Variants in DRC1 observed in about 807,000 individuals in gnomAD.
DRC1 encodes the protein dynein regulatory complex subunit 1, also known as dynein regulatory complex protein 1.
DRC1 carries 74 observed loss-of-function variants against 98.7 expected under a neutral mutation model. The ratio of observed to expected loss-of-function variants is 0.75; its 90% confidence interval spans 0.62 to 0.91. DRC1 has a LOEUF of 0.91. Among genes scored for constraint, DRC1 ranks in the 40% least tolerant of loss-of-function variants. The pLI is 0.00. For synonymous variants in DRC1, 336 were observed against 334.1 expected, an observed-to-expected ratio of 1.01 and a Z score of -0.06; for missense variants, 875 against 886.0, an observed-to-expected ratio of 0.99 and a Z score of 0.16.
At chr2:26,434,760 G>A (rs1362642753) in intron 7 of DRC1, among the ~76,000 whole-genome samples, 5 of 152,020 alleles carry the variant, frequency 3.3e-5, no homozygotes, top group African/African-American at 4.8e-5. Context: ...GTGTGGTGGC[G>A]GGCGCCTGTA....
chr2:26,402,020 G>C lies in DRC1; in HGVS notation c.31G>C (p.Asp11His). 1 of 1,611,442 alleles carries C rather than the reference G, an allele frequency of 6.2e-7. No homozygotes were observed. The highest frequency in any genetic ancestry group is 1.3e-5 in the African/African-American group (1 of 75,012). ...TCCGCCGGGGTCCCTAGAGGCCCTG[G>C]ACCCGAACGTGGACGAGCACTTGTC... MNPPGSLEAL[D>H]PNVDEHLSTQ... The change falls in exon 1 of 17, where the codon GAC (aspartate) becomes CAC (histidine). Residue 11 changes from aspartate to histidine, a missense_variant. Transcript: ENST00000288710.
At chr2:26,421,114 T>C in intron 2 of DRC1, 174 bp from the exon 3 acceptor site, 1 of 498,582 alleles carries the variant, frequency 2.0e-6, no homozygotes, top group Non-Finnish European at 3.6e-6. Flanking sequence ...ACATCACAAA[T>C]GTCCTGATAG....
intron 1 of DRC1, among the ~76,000 whole-genome samples, chr2:26,404,486 G>C (rs1252163562): frequency 1.3e-5 from 2 of 152,226 alleles, no homozygotes; most frequent in African/African-American, 4.8e-5. Flanking sequence ...GTGTTCAGGA[G>C]TGCTACCTGT....
At chr2:26,412,972 CG>C (rs1325652973) in intron 1 of DRC1, among the ~76,000 whole-genome samples, 6 of 152,100 alleles carry the variant, frequency 3.9e-5, no homozygotes. Flanking sequence ...TTAGTAGAGA[CG>C]GGGTTTCACC....
At chr2:26,435,765 A>T (rs1266621045) in intron 7 of DRC1, among the ~76,000 whole-genome samples, 2 of 149,194 alleles carry the variant, frequency 1.3e-5, no homozygotes, top group Middle Eastern at 3.4e-3. Flanking sequence ...TTTTTTTTTT[A>T]AACTTTATGT....
chr2:26,410,312 C>T (rs1678564812), intron 1 of DRC1, among the ~76,000 whole-genome samples: 1 of 150,058 alleles, frequency 6.7e-6, no homozygotes, highest in South Asian at 2.1e-4. Context: ...ACTCTTGTTG[C>T]CCAGGCTGGA....
rs1204779682 is a variant in DRC1 at position 26,454,267 on chromosome 2, A to G, written c.1920-380A>G. On this transcript the variant is annotated intron_variant, in intron 14 of 16. Coordinates refer to ENST00000288710, the MANE Select transcript of DRC1 (RefSeq NM_145038.5). The surrounding 1 kb of genome is among the most constrained non-coding windows in gnomAD (Gnocchi z 5.2). ...AGGGAAAGCATCAGGAGGCTTGTCC[A>G]GGTGGGAGGTGAGGATCCCCCAGAT... Among the ~76,000 whole-genome samples the G allele has an allele frequency of 6.6e-6, 1 of 152,162 alleles. No homozygotes were observed. Among genetic ancestry groups the G allele is most frequent in the Admixed American group, 6.5e-5 (1 of 15,286 alleles).
At chr2:26,424,808 C>T (rs557892813) in intron 4 of DRC1, among the ~76,000 whole-genome samples, 3 of 152,072 alleles carry the variant, frequency 2.0e-5, no homozygotes, top group Admixed American at 6.5e-5. Flanking sequence ...AAAAATTAGC[C>T]GGGCATGGTG....
At chr2:26,444,601 G>A (rs1257677795) in intron 9 of DRC1, 115 bp from the exon 10 acceptor site, 5 of 1,127,172 alleles carry the variant, frequency 4.4e-6, no homozygotes, top group Admixed American at 5.0e-5. Flanking sequence ...CAGGGATGGG[G>A]CCAGGCCCAG....
At chr2:26,427,710 C>A (rs1361735752) in intron 4 of DRC1, among the ~76,000 whole-genome samples, 1 of 151,952 alleles carries the variant, frequency 6.6e-6, no homozygotes, top group East Asian at 1.9e-4. Flanking sequence ...ATCCCCATTC[C>A]TCCCTGACCC....
At chr2:26,434,408 G>A (rs1663517669) in intron 7 of DRC1, among the ~76,000 whole-genome samples, 1 of 152,104 alleles carries the variant, frequency 6.6e-6, no homozygotes, top group Admixed American at 6.5e-5. Context: ...TTTATCTGTA[G>A]GCCTTATACA....
chr2:26,419,815 C>T (rs1663078946), intron 2 of DRC1, among the ~76,000 whole-genome samples: 1 of 152,134 alleles, frequency 6.6e-6, no homozygotes, highest in Non-Finnish European at 1.5e-5. Context: ...CACAACAAGG[C>T]TAGGAGTGAA....
chr2:26,406,536 CCT>C (rs541848005), intron 1 of DRC1, among the ~76,000 whole-genome samples: 182 of 152,112 alleles, frequency 1.2e-3, no homozygotes, highest in African/African-American at 4.1e-3. Context: ...TAGTGAAACC[CCT>C]GTCTCTACTA....
At chr2:26,436,739 A>G (rs559827631) in intron 7 of DRC1, among the ~76,000 whole-genome samples, 1 of 152,268 alleles carries the variant, frequency 6.6e-6, no homozygotes, top group Admixed American at 6.5e-5. Context: ...AAACAATCCT[A>G]TGGCCAAATA....
At chr2:26,415,796 G>T (rs1239755487) in intron 2 of DRC1, among the ~76,000 whole-genome samples, 2 of 152,106 alleles carry the variant, frequency 1.3e-5, no homozygotes, top group Non-Finnish European at 2.9e-5. Context: ...GCTGGGCCTG[G>T]TGGCACACGC....
chr2:26,455,372 G>A lies in DRC1; in HGVS notation c.2166+139G>A, dbSNP rs533862676. 95 of 776,526 alleles carry A rather than the reference G, an allele frequency of 1.2e-4. No homozygotes were observed. In the African/African-American group the frequency reaches 1.6e-3, roughly 13 times the overall value. The allele number at this position is 776,526 out of a possible 1,614,324, so 48.1% of individuals were successfully genotyped here. The stretch of plus-strand genomic sequence containing the variant: ...TGTGATATGATGTAAAAAATCAAGA[G>A]TGGCACCTTGAGACAACTACTGGCC... On this transcript the variant is annotated intron_variant, in intron 16 of 16. Coordinates refer to ENST00000288710, the MANE Select transcript of DRC1 (RefSeq NM_145038.5).
intron 7 of DRC1, among the ~76,000 whole-genome samples, chr2:26,434,348 A>G (rs1353027516): frequency 6.6e-6 from 1 of 152,200 alleles, no homozygotes; most frequent in Non-Finnish European, 1.5e-5. Context: ...CCACCACCCT[A>G]AAAGAAAACT....
rs1558457774 is a variant in DRC1, at chr2:26,454,801, A to G, written c.2063+11A>G. On this transcript the variant is annotated intron_variant, in intron 15 of 16. Coordinates refer to ENST00000288710, the MANE Select transcript of DRC1 (RefSeq NM_145038.5). This position sits in a 1 kb window ranked among gnomAD's most constrained non-coding sequence, Gnocchi z 5.2. Reference sequence around the variant, plus strand: ...CTTGGAGAAGTACCAGTAAGTGTGCATGTCATGGAGCAGGAGGGTGCTGGC... The same window carrying G: ...CTTGGAGAAGTACCAGTAAGTGTGCGTGTCATGGAGCAGGAGGGTGCTGGC... 1 of 1,613,988 alleles carries G rather than the reference A, an allele frequency of 6.2e-7. No homozygotes were observed. The highest frequency in any genetic ancestry group is 8.5e-7 in the Non-Finnish European group (1 of 1,179,932).
intron 1 of DRC1, among the ~76,000 whole-genome samples, chr2:26,409,106 T>A (rs1678516439): frequency 6.6e-6 from 1 of 151,678 alleles, no homozygotes; most frequent in Admixed American, 6.6e-5. Context: ...TAATTTTTTT[T>A]TTTTTTTTAG....
Sources: gnomAD v4.1 joint callset for allele counts (sites outside exome capture counted in the v4.1 genomes callset) on GRCh38, gnomAD v4.1.1 for gene constraint, Gnocchi (gnomAD v3.1) non-coding constraint, MANE v1.5 for transcripts, NCBI Gene and HGNC (gene_info 2026-07-23, HGNC 2026-07-21) for gene names.